The following CLTCL1 variants were observed in gnomAD, a reference collection of about 807,000 sequenced individuals.
The protein encoded by CLTCL1 is clathrin heavy chain like 1, also known as clathrin heavy chain 2.
CLTCL1 carries 159 observed loss-of-function variants against 190.0 expected under a neutral mutation model. The observed-to-expected ratio is 0.84, with a 90% CI of 0.74 to 0.95. The LOEUF is 0.95. Among genes scored for constraint, CLTCL1 ranks in the 40% least tolerant of loss-of-function variants. The pLI, the probability that CLTCL1 is intolerant of heterozygous loss-of-function variation, is 0.00. For synonymous variants in CLTCL1, 752 were observed against 769.6 expected (o/e 0.98, Z 0.38); for missense variants, 1,878 against 2,033.4 (o/e 0.92, Z 1.47).
chr22:19,194,396 C>T lies in CLTCL1; in HGVS notation c.4191+1870G>A, dbSNP rs1040003877. 5.3e-5 allele frequency among the ~76,000 whole-genome samples: 8 copies of T among 152,280 alleles called. No homozygotes were observed. The South Asian group carries it at 1.0e-3, about 20-fold the overall frequency. ...ACTCTGGAGGCTGAGGCAGGAGAATCGCTCGAGGCTGGGAGGCGGAGGTTG... is the reference window on the plus strand; with the variant it reads ...ACTCTGGAGGCTGAGGCAGGAGAATTGCTCGAGGCTGGGAGGCGGAGGTTG... On this transcript the variant is annotated intron_variant, in intron 26 of 32. Transcript: ENST00000427926.
intron 29 of CLTCL1, chr22:19,183,884 C>T (rs910172347): frequency 6.0e-5 from 29 of 487,248 alleles, no homozygotes; most frequent in African/African-American, 3.3e-4. Context: ...GGGCAGAGGG[C>T]GTGCACAGGC....
chr22:19,185,214 A>G (rs1555927712), intron 29 of CLTCL1, among the ~76,000 whole-genome samples: 1 of 152,120 alleles, frequency 6.6e-6, no homozygotes, highest in Non-Finnish European at 1.5e-5. Context: ...CCCTGCCTCT[A>G]CGGCCTATAC....
At chr22:19,257,731 G>T in intron 2 of CLTCL1, 1 of 1,231,732 alleles carries the variant, frequency 8.1e-7, no homozygotes, top group Non-Finnish European at 1.1e-6. Context: ...ATGGCCAGGG[G>T]TCTGGCAGGA....
chr22:19,216,579 C>A (rs531327895), intron 18 of CLTCL1, among the ~76,000 whole-genome samples: 1 of 152,186 alleles, frequency 6.6e-6, no homozygotes, highest in African/African-American at 2.4e-5. Context: ...AAATATGGCT[C>A]CACTTCTCTA....
At chr22:19,235,284 C>T (rs2086045402) in intron 6 of CLTCL1, among the ~76,000 whole-genome samples, 2 of 152,188 alleles carry the variant, frequency 1.3e-5, no homozygotes, top group South Asian at 4.1e-4. Context: ...ATCCTCCTGC[C>T]TCAACCTCCC....
At chr22:19,195,861 A>C (rs1555935126) in intron 26 of CLTCL1, among the ~76,000 whole-genome samples, 1 of 152,132 alleles carries the variant, frequency 6.6e-6, no homozygotes, top group Non-Finnish European at 1.5e-5. Context: ...ATGAACTAAA[A>C]AAAAAAAAGG....
chr22:19,188,489 A>G (rs1292878676), intron 27 of CLTCL1, among the ~76,000 whole-genome samples: 1 of 152,208 alleles, frequency 6.6e-6, no homozygotes, highest in African/African-American at 2.4e-5. Context: ...AATGCTAACA[A>G]TCATCTGAGC....
intron 24 of CLTCL1, among the ~76,000 whole-genome samples, chr22:19,199,462 T>C (rs2084810818): frequency 2.0e-5 from 3 of 152,326 alleles, no homozygotes; most frequent in Admixed American, 2.0e-4. Context: ...AGCCACTGAC[T>C]GGGCTTCTGA....
rs1555959598 is a variant in CLTCL1 at position 19,232,550 on chromosome 22, T to G, written c.1570A>C (p.Ile524Leu). Residue 524 changes from isoleucine to leucine, a missense_variant, in exon 10 of 33, where the codon ATC (isoleucine) becomes CTC (leucine). By Grantham distance (5) the Ile-to-Leu change is conservative. Coordinates refer to ENST00000427926, the MANE Select transcript of CLTCL1 (RefSeq NM_007098.4). ...AACTGCAGGCCCTGTTCCGGACTGA[T>G]CTTCATTACACCCCTCAGCAGAAAG... ...WIFLLRGVMK[I>L]SPEQGLQFSR... 6.2e-7 allele frequency: 1 copy of G among 1,613,958 alleles called. No individual in the cohort carries two copies. The highest frequency in any genetic ancestry group is 1.1e-5 in the South Asian group (1 of 91,070).
intron 22 of CLTCL1, among the ~76,000 whole-genome samples, chr22:19,206,226 TTTTG>T (rs1437876903): frequency 3.1e-4 from 47 of 151,684 alleles, no homozygotes; most frequent in African/African-American, 1.0e-3. Flanking sequence ...CTTGTTTTCT[TTTTG>T]TTTGTTTGTT....
intron 2 of CLTCL1, among the ~76,000 whole-genome samples, chr22:19,269,804 A>G (rs2087246356): frequency 6.6e-6 from 1 of 152,180 alleles, no homozygotes; most frequent in Non-Finnish European, 1.5e-5. Flanking sequence ...GAAGAGAGAG[A>G]GAGCATCAGG....
rs1328085553 is a variant in CLTCL1 at position 19,233,276 on chromosome 22, C to T, written c.1411G>A (p.Asp471Asn). Residue 471 changes from aspartate to asparagine, a missense_variant, in exon 9 of 33, where the codon GAC becomes AAC. Coordinates refer to ENST00000427926, the MANE Select transcript of CLTCL1 (RefSeq NM_007098.4). ...TACACACTCAGAGCGAGCATGGGGTCAGTGGTTTTGACCAAGTCTCCGAGC... is the reference window on the plus strand; with the variant it reads ...TACACACTCAGAGCGAGCATGGGGTTAGTGGTTTTGACCAAGTCTCCGAGC... ...EELGDLVKTT[D>N]PMLALSVYLR... 1 of 1,613,748 alleles carries T rather than the reference C, an allele frequency of 6.2e-7. No homozygotes were observed. Among genetic ancestry groups the T allele is most frequent in the Admixed American group, 1.7e-5 (1 of 60,002 alleles).
chr22:19,199,099 A>G (rs1224656488), intron 24 of CLTCL1, among the ~76,000 whole-genome samples: 4 of 152,176 alleles, frequency 2.6e-5, no homozygotes, highest in Admixed American at 6.5e-5. Flanking sequence ...TTCCATGGCC[A>G]TGGTGACACT....
At chr22:19,185,915 G>T (rs1222485098) in intron 29 of CLTCL1, among the ~76,000 whole-genome samples, 1 of 152,236 alleles carries the variant, frequency 6.6e-6, no homozygotes, top group Non-Finnish European at 1.5e-5. Flanking sequence ...TCCAGGTGCG[G>T]TCTCAGAGCC....
In CLTCL1 at chr22:19,234,700, A is replaced by G; in HGVS notation, c.976T>C (p.Ser326Pro). ...ATGTTATCTTCCTCAACACAAACTG[A>G]CAGTACCTGTAAGGACACAACAAGT... ...IGVNKKGQVL[S>P]VCVEEDNIVN... The change falls in exon 7 of 33, where the codon TCA becomes CCA. Residue 326 changes from serine to proline, a missense_variant. Coordinates refer to ENST00000427926, the MANE Select transcript of CLTCL1 (RefSeq NM_007098.4). 6.2e-7 allele frequency: 1 copy of G among 1,613,812 alleles called. No individual in the cohort carries two copies. The highest frequency in any genetic ancestry group is 8.5e-7 in the Non-Finnish European group (1 of 1,179,732).
At chr22:19,185,420 G>A (rs1422881266) in intron 29 of CLTCL1, among the ~76,000 whole-genome samples, 1 of 151,360 alleles carries the variant, frequency 6.6e-6, no homozygotes, top group African/African-American at 2.4e-5. Context: ...TCTGCCTCCT[G>A]GGTTCACGCC....
In CLTCL1 at chr22:19,198,738, C is replaced by T. The variant is rs1287857143; in HGVS notation, c.3873+996G>A. Among the ~76,000 whole-genome samples, 1 of 152,218 alleles carries T rather than the reference C, an allele frequency of 6.6e-6. No homozygotes were observed. Among genetic ancestry groups the T allele is most frequent in the Non-Finnish European group, 1.5e-5 (1 of 68,032 alleles). ...TCCTCTATAACTGATCACCTTCAAA[C>T]ACACTATATAATTATTCATTAGGTT... On this transcript the variant is annotated intron_variant, in intron 24 of 32. Transcript: ENST00000427926. This position sits in a 1 kb window ranked among gnomAD's most constrained non-coding sequence, Gnocchi z 4.1.
At chr22:19,286,016 G>C (rs552498729) in intron 1 of CLTCL1, among the ~76,000 whole-genome samples, 2 of 152,134 alleles carry the variant, frequency 1.3e-5, no homozygotes, top group Non-Finnish European at 2.9e-5. Context: ...ACAGACAGAG[G>C]CTGAACTGAA....
At chr22:19,227,604 G>A (rs558471032) in intron 11 of CLTCL1, among the ~76,000 whole-genome samples, 42 of 152,012 alleles carry the variant, frequency 2.8e-4, no homozygotes, top group Admixed American at 2.6e-3. Context: ...ACAGGCATGC[G>A]CCACCACACC....
Sources: gnomAD v4.1 joint callset for allele counts (sites outside exome capture counted in the v4.1 genomes callset) on GRCh38, gnomAD v4.1.1 for gene constraint, Gnocchi (gnomAD v3.1) non-coding constraint, MANE v1.5 for transcripts, NCBI Gene and HGNC (gene_info 2026-07-23, HGNC 2026-07-21) for gene names.